Variants in RASSF5 observed in about 807,000 individuals in gnomAD.
RASSF5 encodes the protein Ras association domain family member 5.
In RASSF5, 25 loss-of-function variants were observed where a neutral mutation model predicts 40.5. The ratio of observed to expected loss-of-function variants is 0.62; its 90% confidence interval spans 0.45 to 0.86. The LOEUF is 0.86. RASSF5 is among the 40% of genes least tolerant of loss of function. The probability of loss-of-function intolerance (pLI) is 0.00; values close to 1 mark genes in which losing one functional copy is unlikely to be tolerated. For missense variants in RASSF5, 521 were observed against 572.8 expected (o/e 0.91, Z 0.92); for synonymous variants, 246 against 252.4 (o/e 0.97, Z 0.24).
At chr1:206,543,838 C>T (rs1013476792) in intron 2 of RASSF5, 1 of 152,176 alleles carries the variant, frequency 6.6e-6, no homozygotes, top group East Asian at 1.9e-4. Context: ...ACTGCAACCT[C>T]CGCCTCCTGG....
intron 2 of RASSF5, among the ~76,000 whole-genome samples, chr1:206,564,991 C>T (rs1053392510): frequency 6.6e-6 from 1 of 152,162 alleles, no homozygotes; most frequent in Non-Finnish European, 1.5e-5. Context: ...TAATCACTCT[C>T]CAGCCTACAT....
In RASSF5 at chr1:206,535,126, C is replaced by T. The variant is rs1466300941; in HGVS notation, c.458-3046C>T. 6.6e-6 allele frequency among the ~76,000 whole-genome samples: 1 copy of T among 152,118 alleles called. No homozygotes were observed. The highest frequency in any genetic ancestry group is 1.5e-5 in the Non-Finnish European group (1 of 68,024). On this transcript the variant is annotated intron_variant, in intron 1 of 5. Transcript: ENST00000579436. This position sits in a 1 kb window ranked among gnomAD's most constrained non-coding sequence, Gnocchi z 5.0. ...AGCTACTCAGGAGACTGAGGTGAGC[C>T]CGGGAGGTGGAGTTTGCAGAGAGCC...
At chr1:206,573,691 C>T (rs1553404610) in intron 2 of RASSF5, among the ~76,000 whole-genome samples, 1 of 152,160 alleles carries the variant, frequency 6.6e-6, no homozygotes, top group Non-Finnish European at 1.5e-5. Flanking sequence ...GAAGAAGACC[C>T]GAGATGGATG....
At chr1:206,550,376 G>A (rs1453010092) in intron 2 of RASSF5, among the ~76,000 whole-genome samples, 1 of 152,234 alleles carries the variant, frequency 6.6e-6, no homozygotes, top group Non-Finnish European at 1.5e-5. Flanking sequence ...TTGGGTAAAT[G>A]CCTTGAGGGC....
At chr1:206,564,865 G>A (rs1184877511) in intron 2 of RASSF5, among the ~76,000 whole-genome samples, 2 of 152,170 alleles carry the variant, frequency 1.3e-5, no homozygotes, top group African/African-American at 4.8e-5. Flanking sequence ...GAAGAAAAGA[G>A]CTGCACTGAC....
chr1:206,531,169 G>A lies in RASSF5; in HGVS notation c.458-7003G>A, dbSNP rs73079034. On this transcript the variant is annotated intron_variant, in intron 1 of 5. Coordinates refer to ENST00000579436, the MANE Select transcript of RASSF5 (RefSeq NM_182663.4). The surrounding 1 kb of genome is among the most constrained non-coding windows in gnomAD (Gnocchi z 4.7). ...CCGGCCTGGGGTCGGATCAGCACTC[G>A]CACTCTGGTCTCTCCACTTCAACAA... Among the ~76,000 whole-genome samples the A allele has an allele frequency of 0.034, 5,124 of 152,276 alleles. 327 individuals carry two copies. The highest frequency in any genetic ancestry group is 0.12 in the African/African-American group (4,908 of 41,534).
rs73080969 is a variant in RASSF5 at position 206,581,797 on chromosome 1, G to A, written c.580-1472G>A. On this transcript the variant is annotated intron_variant, in intron 2 of 5. Transcript: ENST00000579436. The stretch of plus-strand genomic sequence containing the variant: ...GGTTCTGTGGGATTGGAAAGTGGAA[G>A]GAAGTGATGGCAGGTTGTTCAGGGT... 5.4e-3 allele frequency among the ~76,000 whole-genome samples: 819 copies of A among 152,262 alleles called. 10 individuals are homozygous for A. Among genetic ancestry groups the A allele is most frequent in the African/African-American group, 0.018 (768 of 41,536 alleles).
chr1:206,528,049 C>G (rs1228567401), intron 1 of RASSF5, among the ~76,000 whole-genome samples: 4 of 152,066 alleles, frequency 2.6e-5, no homozygotes, highest in African/African-American at 9.7e-5. Context: ...TTGTTTATAG[C>G]AACTTTATTC....
intron 2 of RASSF5, among the ~76,000 whole-genome samples, chr1:206,556,042 G>A (rs1207199363): frequency 1.3e-5 from 2 of 152,216 alleles, no homozygotes; most frequent in Non-Finnish European, 2.9e-5. Flanking sequence ...ACCCCTCTCA[G>A]CCACAGTCCA....
At chr1:206,515,698 A>T (rs1329326059) in intron 1 of RASSF5, among the ~76,000 whole-genome samples, 1 of 152,214 alleles carries the variant, frequency 6.6e-6, no homozygotes, top group Admixed American at 6.5e-5. Flanking sequence ...CCCACCCCCA[A>T]GCCAGCTCTG....
rs1258913978 is a variant in RASSF5, at chr1:206,588,890, C to A, written c.*1912C>A. 1 of 152,672 alleles carries A rather than the reference C, an allele frequency of 6.5e-6. No homozygotes were observed. Among genetic ancestry groups the A allele is most frequent in the Non-Finnish European group, 1.5e-5 (1 of 68,026 alleles). 9.5% of individuals were successfully genotyped at this position (152,672 alleles called of 1,614,324 possible). A position where few individuals can be genotyped will look rare whatever the true frequency, so the allele number is the denominator to read the frequency against. On this transcript the variant is annotated 3_prime_UTR_variant, in exon 6 of 6. Transcript: ENST00000579436. ...ATAGAAGGCATGGCTCCTGCTGCAA[C>A]CGCTGTGAATGCTGCTGAGAACCTC...
At chr1:206,563,424 G>A (rs1322072196) in intron 2 of RASSF5, among the ~76,000 whole-genome samples, 2 of 152,060 alleles carry the variant, frequency 1.3e-5, no homozygotes, top group African/African-American at 4.8e-5. Flanking sequence ...TCTGTTCTTG[G>A]GATTGGGTCC....
chr1:206,539,387 G>C (rs148278503), intron 2 of RASSF5, among the ~76,000 whole-genome samples: 105 of 152,240 alleles, frequency 6.9e-4, no homozygotes, highest in Non-Finnish European at 1.3e-3. Context: ...GGAGACTCAC[G>C]AGCAGCCCCC....
intron 2 of RASSF5, among the ~76,000 whole-genome samples, chr1:206,570,445 CATT>C (rs1668412776): frequency 6.6e-6 from 1 of 152,134 alleles, no homozygotes; most frequent in African/African-American, 2.4e-5. Context: ...TATAACCTCA[CATT>C]GTTGTACAAC....
rs1558526248 is a variant in RASSF5, at chr1:206,587,161, GC to G, written c.*188del. 9.0e-6 allele frequency: 6 copies of G among 669,256 alleles called. No individual in the cohort carries two copies. The Admixed American group carries it at 1.2e-4, about 13-fold the overall frequency. 41.5% of individuals were successfully genotyped at this position (669,256 alleles called of 1,614,324 possible). ...TTTGCACGAGGGTTCAGCTGTGCCC[GC>G]CCCCAGGCTGTGCCCCACCACAGAT... On this transcript the variant is annotated 3_prime_UTR_variant, in exon 6 of 6. Transcript: ENST00000579436.
intron 1 of RASSF5, among the ~76,000 whole-genome samples, chr1:206,522,414 C>T (rs1666930536): frequency 6.6e-6 from 1 of 152,182 alleles, no homozygotes; most frequent in Non-Finnish European, 1.5e-5. Flanking sequence ...TGTCTTTGCA[C>T]TTCTCTCTGC....
intron 2 of RASSF5, among the ~76,000 whole-genome samples, chr1:206,553,668 G>T: frequency 6.6e-6 from 1 of 152,172 alleles, no homozygotes; most frequent in Non-Finnish European, 1.5e-5. Context: ...GATACCAGTG[G>T]CATAGGTGAG....
chr1:206,573,094 T>C (rs575583784), intron 2 of RASSF5, among the ~76,000 whole-genome samples: 91 of 152,356 alleles, frequency 6.0e-4, no homozygotes, highest in African/African-American at 2.1e-3. Context: ...GTGCTTACTG[T>C]GTACTTTGTG....
At chr1:206,583,239 C>A in intron 2 of RASSF5, 30 bp from the exon 3 acceptor site, 1 of 1,439,766 alleles carries the variant, frequency 6.9e-7, no homozygotes, top group Non-Finnish European at 9.8e-7. Context: ...AACTACTACA[C>A]ATCCACCTCC....
Sources: allele counts gnomAD v4.1 joint callset (sites outside exome capture counted in the v4.1 genomes callset), GRCh38; gene constraint gnomAD v4.1.1; non-coding constraint Gnocchi (gnomAD v3.1); transcripts MANE v1.5; gene names NCBI Gene and HGNC (gene_info 2026-07-23, HGNC 2026-07-21).